Variants in DPP6 observed in about 807,000 individuals in gnomAD.
DPP6 encodes the protein A-type potassium channel modulatory protein DPP6.
Under a neutral mutation model 122.6 loss-of-function variants are expected in DPP6, and 69 were observed. That is an observed-to-expected ratio of 0.56 (90% CI 0.46 to 0.69). The LOEUF (loss-of-function observed/expected upper bound fraction) is 0.69. Among genes scored for constraint, DPP6 ranks in the 30% least tolerant of loss-of-function variants. The pLI is 0.00. For synonymous variants in DPP6, 418 were observed against 433.1 expected (o/e 0.97, Z 0.43); for missense variants, 928 against 1,116.9 (o/e 0.83, Z 2.41).
intron 8 of DPP6, among the ~76,000 whole-genome samples, chr7:154,736,230 G>T (rs1842563688): frequency 6.6e-6 from 1 of 152,192 alleles, no homozygotes; most frequent in African/African-American, 2.4e-5. Context: ...GAGCTGAAAT[G>T]GACGTTAGCA....
At chr7:154,280,991 A>ATTTATTTT (rs1804468199) in intron 1 of DPP6, among the ~76,000 whole-genome samples, 1 of 55,074 alleles carries the variant, frequency 1.8e-5, no homozygotes, top group South Asian at 9.3e-4. Context: ...TATTTTATTT[A>ATTTATTTT]TTTATTTATT....
chr7:154,395,824 G>A (rs1028085402), intron 1 of DPP6, among the ~76,000 whole-genome samples: 5 of 151,820 alleles, frequency 3.3e-5, no homozygotes, highest in South Asian at 2.1e-4. Flanking sequence ...GCATCCTTAC[G>A]TTGTTCTCTA....
At chr7:153,753,276 A>G in the DPP6 span, among the ~76,000 whole-genome samples, 1 of 151,738 alleles carries the variant, frequency 6.6e-6, no homozygotes, top group African/African-American at 2.4e-5. Flanking sequence ...ATATTTGGGG[A>G]TTTTGTACCA....
chr7:154,417,087 C>T (rs1817087752), intron 1 of DPP6, among the ~76,000 whole-genome samples: 1 of 152,172 alleles, frequency 6.6e-6, no homozygotes, highest in Admixed American at 6.5e-5. Context: ...GTTTTCTATG[C>T]ACAGCTTCAG....
rs957016131 is a variant in DPP6, at chr7:154,390,908, T to C, written c.244-55306T>C. Among the ~76,000 whole-genome samples the C allele has an allele frequency of 1.6e-4, 25 of 152,128 alleles. 1 individual carries two copies. Among genetic ancestry groups the C allele is most frequent in the Admixed American group, 5.9e-4 (9 of 15,272 alleles). ...CAGGCCCCGAGTCTCAAACACATGA[T>C]TTATCATCAGATCGTACAGTCGTCA... On this transcript the variant is annotated intron_variant, in intron 1 of 25. Transcript: ENST00000377770.
chr7:154,127,134 G>A (rs1563224831), intron 1 of DPP6, among the ~76,000 whole-genome samples: 1 of 152,068 alleles, frequency 6.6e-6, no homozygotes, highest in Non-Finnish European at 1.5e-5. Context: ...TAAACATAAC[G>A]CTAACCTTGC....
Position 154,637,849 on chromosome 7 carries a change from A to T in DPP6, c.656A>T (p.Tyr219Phe). Residue 219 changes from tyrosine (Y) to phenylalanine (F), a missense_variant, in exon 6 of 26, where the codon TAC becomes TTC. By Grantham distance (22) the Tyr-to-Phe change is conservative (BLOSUM62 3). Transcript: ENST00000377770. ...TATCAACACTCGTATACTGGATATT[A>T]CGTCCTGAGCAAAATTCCTCATGGG... ...PIYQHSYTGYYVLSKIPHGDP... is the reference protein window; with the variant it reads ...PIYQHSYTGYFVLSKIPHGDP... 1 of 1,583,496 alleles carries T rather than the reference A, an allele frequency of 6.3e-7. No individual in the cohort carries two copies. Among genetic ancestry groups the T allele is most frequent in the Non-Finnish European group, 8.6e-7 (1 of 1,163,020 alleles).
At chr7:154,004,510 A>C (rs1197900342) in intron 1 of DPP6, among the ~76,000 whole-genome samples, 17 of 151,828 alleles carry the variant, frequency 1.1e-4, no homozygotes, top group African/African-American at 2.7e-4. Flanking sequence ...AAAGGGATTC[A>C]GTTTCCAAGG....
At chr7:153,892,458 C>T (rs1027853368) in intron 1 of DPP6, among the ~76,000 whole-genome samples, 6 of 152,122 alleles carry the variant, frequency 3.9e-5, no homozygotes, top group African/African-American at 9.7e-5. Context: ...GGATTACAGG[C>T]ATGTGCCACC....
At chr7:154,851,768 A>T (rs1454706269) in intron 16 of DPP6, among the ~76,000 whole-genome samples, 3 of 145,396 alleles carry the variant, frequency 2.1e-5, no homozygotes, top group African/African-American at 8.1e-5. Flanking sequence ...ACTTACAGTA[A>T]GAAAATACTT....
At chr7:154,697,721 A>G (rs1224056677) in intron 7 of DPP6, among the ~76,000 whole-genome samples, 1 of 152,230 alleles carries the variant, frequency 6.6e-6, no homozygotes, top group African/African-American at 2.4e-5. Flanking sequence ...AGAAGGTGAA[A>G]GAGGTCAGTG....
In DPP6 at chr7:154,271,573, T is replaced by C. The variant is rs149444717; in HGVS notation, c.244-174641T>C. On this transcript the variant is annotated intron_variant, in intron 1 of 25. Coordinates refer to ENST00000377770, the MANE Select transcript of DPP6 (RefSeq NM_130797.4). ...TCCATCTTACCTTTGGCACTGGAGA[T>C]AAATGAAATAGGCTGTTCTGTTTGA... 1.8e-3 allele frequency among the ~76,000 whole-genome samples: 274 copies of C among 152,298 alleles called. 4 individuals are homozygous for C. Among genetic ancestry groups the C allele is most frequent in the Admixed American group, 0.012 (190 of 15,294 alleles).
the DPP6 span, among the ~76,000 whole-genome samples, chr7:153,803,155 C>T: frequency 4.0e-5 from 6 of 151,616 alleles, no homozygotes; most frequent in South Asian, 2.1e-4. Context: ...GACACGTGGG[C>T]GTCCCAATGT....
intron 5 of DPP6, among the ~76,000 whole-genome samples, chr7:154,579,029 G>A (rs1186852959): frequency 6.6e-6 from 1 of 152,130 alleles, no homozygotes; most frequent in African/African-American, 2.4e-5. Flanking sequence ...ATTCTTTCTG[G>A]CTGCCAGAGA....
chr7:154,025,177 G>A (rs1167402275), intron 1 of DPP6, among the ~76,000 whole-genome samples: 1 of 151,608 alleles, frequency 6.6e-6, no homozygotes, highest in Non-Finnish European at 1.5e-5. Context: ...TCCCTCCTTT[G>A]TGCTTTCTAG....
the DPP6 span, among the ~76,000 whole-genome samples, chr7:153,748,205 C>G: frequency 6.6e-6 from 1 of 152,122 alleles, no homozygotes; most frequent in African/African-American, 2.4e-5. Context: ...CCAGCTCCTC[C>G]TCCGCCCACT....
intron 1 of DPP6, among the ~76,000 whole-genome samples, chr7:154,251,661 G>A (rs544002883): frequency 1.3e-5 from 2 of 152,336 alleles, no homozygotes; most frequent in Non-Finnish European, 2.9e-5. Context: ...AGGCCCAAGA[G>A]CCACTGGTGT....
chr7:154,807,246 G>A (rs1309318670), intron 16 of DPP6, 134 bp downstream of exon 16: 60 of 1,303,560 alleles, frequency 4.6e-5, no homozygotes, highest in Non-Finnish European at 5.9e-5. Flanking sequence ...TGAGGATCCC[G>A]CCTACCTGAT....
chr7:154,077,492 C>T (rs945122903), intron 1 of DPP6, among the ~76,000 whole-genome samples: 2 of 152,168 alleles, frequency 1.3e-5, no homozygotes, highest in Middle Eastern at 3.4e-3. Context: ...CACTTCTCAC[C>T]GTGCAGGATC....
Sources: allele counts gnomAD v4.1 joint callset (sites outside exome capture counted in the v4.1 genomes callset), GRCh38; gene constraint gnomAD v4.1.1; transcripts MANE v1.5; gene names NCBI Gene and HGNC (gene_info 2026-07-23, HGNC 2026-07-21).